The following CEP112 variants were observed in gnomAD, a reference collection of about 807,000 sequenced individuals.
CEP112 encodes the protein centrosomal protein 112, also known as centrosomal protein of 112 kDa.
Under a neutral mutation model 153.0 loss-of-function variants are expected in CEP112, and 127 were observed. That is an observed-to-expected ratio of 0.83 (90% confidence interval 0.72 to 0.96). The LOEUF is 0.96. CEP112 is among the 40% of genes least tolerant of loss of function. The probability of loss-of-function intolerance (pLI) is 0.00; values close to 1 mark genes in which losing one functional copy is unlikely to be tolerated. For missense variants in CEP112, 1,089 were observed against 1,101.2 expected (o/e 0.99, Z 0.16); for synonymous variants, 358 against 374.4 (o/e 0.96, Z 0.51).
intron 17 of CEP112, among the ~76,000 whole-genome samples, chr17:65,975,124 A>G (rs2062984185): frequency 6.6e-6 from 1 of 152,200 alleles, no homozygotes; most frequent in South Asian, 2.1e-4. Context: ...CTTGGGCTGA[A>G]GACGAAAAGA....
intron 21 of CEP112, chr17:65,826,678 G>A (rs2056854969): frequency 4.7e-6 from 2 of 425,520 alleles, no homozygotes; most frequent in Non-Finnish European, 7.0e-6. Flanking sequence ...TGACTTCTGT[G>A]CATCACTGTT....
intron 21 of CEP112, among the ~76,000 whole-genome samples, chr17:65,805,771 G>T (rs2055561635): frequency 6.6e-6 from 1 of 152,154 alleles, no homozygotes; most frequent in Admixed American, 6.5e-5. Flanking sequence ...AAAATAATCT[G>T]AATTAATCCA....
intron 19 of CEP112, among the ~76,000 whole-genome samples, chr17:65,920,727 C>A (rs2060695639): frequency 6.6e-6 from 1 of 151,842 alleles, no homozygotes; most frequent in African/African-American, 2.4e-5. Context: ...AATGTGGTGA[C>A]CAAAATCGAC....
At chr17:66,124,581 C>A (rs1224995935) in intron 6 of CEP112, among the ~76,000 whole-genome samples, 1 of 151,904 alleles carries the variant, frequency 6.6e-6, no homozygotes, top group East Asian at 1.9e-4. Context: ...AAAAAAAAAT[C>A]CCCTCACATT....
rs189162310 is a variant in CEP112, at chr17:66,056,523, C to G, written c.1075-2644G>C. 1.0e-3 allele frequency among the ~76,000 whole-genome samples: 157 copies of G among 152,308 alleles called. 1 individual carries two copies. The highest frequency in any genetic ancestry group is 3.7e-3 in the African/African-American group (155 of 41,570). On this transcript the variant is annotated intron_variant, in intron 11 of 26. Coordinates refer to ENST00000535342, the MANE Select transcript of CEP112 (RefSeq NM_001199165.4). Reference sequence around the variant, plus strand: ...GATGAATGGATAGGCAAAATGTGGTCTATCCATACAACGCAATATTATTTG... The same window carrying G: ...GATGAATGGATAGGCAAAATGTGGTGTATCCATACAACGCAATATTATTTG...
At chr17:66,131,544 A>C (rs1343342267) in intron 5 of CEP112, among the ~76,000 whole-genome samples, 5 of 151,902 alleles carry the variant, frequency 3.3e-5, no homozygotes, top group Admixed American at 6.6e-5. Flanking sequence ...GATCAAGACC[A>C]TCCTGACTAA....
intron 21 of CEP112, among the ~76,000 whole-genome samples, chr17:65,825,490 G>A (rs1414790158): frequency 6.6e-6 from 1 of 152,096 alleles, no homozygotes; most frequent in Non-Finnish European, 1.5e-5. Context: ...CTGCCCTAGA[G>A]CATCAAATAC....
At chr17:65,975,092 T>C (rs1002223583) in intron 17 of CEP112, among the ~76,000 whole-genome samples, 1 of 152,206 alleles carries the variant, frequency 6.6e-6, no homozygotes, top group Non-Finnish European at 1.5e-5. Context: ...AACTTTAGAA[T>C]ACAATCTTTG....
At chr17:66,036,877 A>G (rs2065762372) in intron 12 of CEP112, among the ~76,000 whole-genome samples, 1 of 152,226 alleles carries the variant, frequency 6.6e-6, no homozygotes, top group Non-Finnish European at 1.5e-5. Flanking sequence ...GCAACACTGC[A>G]ATACTTGAGG....
chr17:65,661,279 C>G (rs1263112247), intron 24 of CEP112, among the ~76,000 whole-genome samples: 1 of 152,162 alleles, frequency 6.6e-6, no homozygotes, highest in Admixed American at 6.5e-5. Context: ...GGTAACCAAC[C>G]CTTCCACTAA....
chr17:65,958,736 C>T (rs958059955), intron 18 of CEP112, among the ~76,000 whole-genome samples: 8 of 152,278 alleles, frequency 5.3e-5, no homozygotes, highest in African/African-American at 1.9e-4. Flanking sequence ...GGCAGACAGA[C>T]TCCTGCTCAT....
chr17:65,974,498 C>G (rs1336874464), intron 17 of CEP112, among the ~76,000 whole-genome samples: 1 of 152,150 alleles, frequency 6.6e-6, no homozygotes, highest in Non-Finnish European at 1.5e-5. Context: ...TATTCCCACT[C>G]CTAAAAAGTT....
At chr17:65,900,346 G>A (rs904075866) in intron 20 of CEP112, among the ~76,000 whole-genome samples, 2 of 152,104 alleles carry the variant, frequency 1.3e-5, no homozygotes, top group South Asian at 2.1e-4. Flanking sequence ...CTAAATTACA[G>A]CATTTGAGGA....
At chr17:65,728,725 A>G (rs1342761566) in intron 23 of CEP112, among the ~76,000 whole-genome samples, 1 of 152,214 alleles carries the variant, frequency 6.6e-6, no homozygotes. Flanking sequence ...TACAGTAAAA[A>G]TACAGTATAA....
At chr17:66,036,928 C>A (rs903333623) in intron 12 of CEP112, among the ~76,000 whole-genome samples, 2 of 152,108 alleles carry the variant, frequency 1.3e-5, no homozygotes, top group African/African-American at 4.8e-5. Flanking sequence ...CTATTATTAT[C>A]AGTCCCAAGA....
At chr17:65,715,526 C>CTGCAAGCTCCACCTCCTGGGTTCA in intron 23 of CEP112, among the ~76,000 whole-genome samples, 1 of 151,522 alleles carries the variant, frequency 6.6e-6, no homozygotes, top group African/African-American at 2.4e-5. Context: ...TCTCGGCTCA[C>CTGCAAGCTCCACCTCCTGGGTTCA]TGCAAGCTCC....
rs1420216805 is a variant in CEP112, at chr17:65,635,840, G to T, written c.*131C>A. On this transcript the variant is annotated 3_prime_UTR_variant, in exon 27 of 27. Coordinates refer to ENST00000535342, the MANE Select transcript of CEP112 (RefSeq NM_001199165.4). ...GTGTATGAATGATGCATGTTTTTAT[G>T]ATCTTAATTACATTTAAGGATTTAA... is the stretch of plus-strand genomic sequence containing the variant. The T allele has an allele frequency of 2.2e-6, 2 of 929,922 alleles. No homozygotes were observed. The highest frequency in any genetic ancestry group is 1.6e-6 in the Non-Finnish European group (1 of 608,334). The allele number at this position is 929,922 out of a possible 1,614,324, so 57.6% of individuals were successfully genotyped here.
chr17:65,667,482 C>G (rs940823137), intron 24 of CEP112, among the ~76,000 whole-genome samples: 1 of 150,896 alleles, frequency 6.6e-6, no homozygotes, highest in East Asian at 1.9e-4. Flanking sequence ...TGCTAGAAAG[C>G]AAAAAAATAT....
intron 20 of CEP112, among the ~76,000 whole-genome samples, chr17:65,857,449 T>C (rs1236308681): frequency 6.6e-6 from 1 of 152,170 alleles, no homozygotes; most frequent in African/African-American, 2.4e-5. Context: ...TTGATACTGA[T>C]GGCTTGCTAA....
Sources: gnomAD v4.1 joint callset for allele counts (sites outside exome capture counted in the v4.1 genomes callset) on GRCh38, gnomAD v4.1.1 for gene constraint, MANE v1.5 for transcripts, NCBI Gene and HGNC (gene_info 2026-07-23, HGNC 2026-07-21) for gene names.